CSMD1: variants seen among roughly 807,000 people sequenced by gnomAD.
CSMD1 encodes CUB and sushi domain-containing protein 1.
Under a neutral mutation model 417.5 loss-of-function variants are expected in CSMD1, and 213 were observed. The observed-to-expected ratio is 0.51, with a 90% confidence interval of 0.46 to 0.57. The LOEUF (loss-of-function observed/expected upper bound fraction) is 0.57. CSMD1 is among the 20% of genes least tolerant of loss of function. The probability of loss-of-function intolerance (pLI) is 0.00; values close to 1 mark genes in which losing one functional copy is unlikely to be tolerated. For synonymous variants in CSMD1, 2,862 were observed against 1,736.8 expected (o/e 1.65, Z -16.11); for missense variants, 6,923 against 4,529.7 (o/e 1.53, Z -15.17).
At chr8:3,296,865 T>A (rs759051617) in intron 25 of CSMD1, among the ~76,000 whole-genome samples, 1 of 152,164 alleles carries the variant, frequency 6.6e-6, no homozygotes, top group Admixed American at 6.5e-5. Context: ...TGAGTTTAAG[T>A]TGTCAACTAG....
Position 4,989,619 on chromosome 8 carries a change from A to T in CSMD1, c.85+4713T>A, listed in dbSNP as rs1182074874. On this transcript the variant is annotated intron_variant, in intron 1 of 69. Coordinates refer to ENST00000635120, the MANE Select transcript of CSMD1 (RefSeq NM_033225.6). ...TGAGCTCAACCAGAAGACATACAAA[A>T]GGCCAAAGGGAAAAGGTAGCTTAAA... Among the ~76,000 whole-genome samples, 5 of 152,238 alleles carry T rather than the reference A, an allele frequency of 3.3e-5. No homozygotes were observed. In the East Asian group the frequency reaches 7.7e-4, roughly 23 times the overall value.
At chr8:3,021,457 A>T (rs1466102080) in intron 51 of CSMD1, among the ~76,000 whole-genome samples, 1 of 152,220 alleles carries the variant, frequency 6.6e-6, no homozygotes, top group Non-Finnish European at 1.5e-5. Flanking sequence ...ACCGAAGGGA[A>T]AGCCTTATTT....
chr8:4,296,619 G>GT (rs11398748), intron 3 of CSMD1, among the ~76,000 whole-genome samples: 143,504 of 150,894 alleles, frequency 0.95, 68,635 homozygotes, highest in East Asian at 1. Flanking sequence ...ATAATAGTTT[G>GT]TTATTTAGTT....
intron 3 of CSMD1, among the ~76,000 whole-genome samples, chr8:4,306,572 C>T (rs974519126): frequency 1.3e-5 from 2 of 152,114 alleles, no homozygotes; most frequent in African/African-American, 4.8e-5. Context: ...CAGCTCCCTG[C>T]CCATGGTGTA....
chr8:4,575,362 G>T (rs549077839), intron 2 of CSMD1, among the ~76,000 whole-genome samples: 95 of 152,292 alleles, frequency 6.2e-4, no homozygotes, highest in African/African-American at 2.2e-3. Flanking sequence ...TATTAAAGTT[G>T]CGGGATGAAA....
chr8:4,483,720 G>A (rs940379274), intron 2 of CSMD1, among the ~76,000 whole-genome samples: 2 of 152,044 alleles, frequency 1.3e-5, no homozygotes, highest in Admixed American at 6.6e-5. Flanking sequence ...AAAAAGAAAG[G>A]TTCAAACAGT....
chr8:4,305,328 G>A (rs1280435428), intron 3 of CSMD1, among the ~76,000 whole-genome samples: 3 of 152,122 alleles, frequency 2.0e-5, no homozygotes, highest in African/African-American at 7.2e-5. Flanking sequence ...ACAAAGCCAG[G>A]CAGCAAGAGA....
At chr8:3,368,394 T>G (rs907069133) in intron 19 of CSMD1, among the ~76,000 whole-genome samples, 2 of 152,174 alleles carry the variant, frequency 1.3e-5, no homozygotes, top group Non-Finnish European at 2.9e-5. Context: ...TGGAGTACAG[T>G]GGCGCAATCT....
chr8:3,188,075 TAC>T (rs931945588), intron 35 of CSMD1, 110 bp from the exon 36 acceptor site: 1 of 393,302 alleles, frequency 2.5e-6, no homozygotes, highest in East Asian at 4.8e-5. Flanking sequence ...TATATATATA[TAC>T]ATATGTATAT....
At chr8:4,057,706 C>G (rs891213831) in intron 3 of CSMD1, among the ~76,000 whole-genome samples, 1 of 151,714 alleles carries the variant, frequency 6.6e-6, no homozygotes, top group African/African-American at 2.4e-5. Flanking sequence ...GAATTGATTT[C>G]TGTACAAGGT....
intron 2 of CSMD1, among the ~76,000 whole-genome samples, chr8:4,535,184 A>G (rs1423662744): frequency 6.6e-6 from 1 of 152,248 alleles, no homozygotes; most frequent in Non-Finnish European, 1.5e-5. Flanking sequence ...TATATAAGGT[A>G]TATAAAGAAC....
chr8:4,631,066 T>C (rs1168572714), intron 2 of CSMD1, among the ~76,000 whole-genome samples: 4 of 152,120 alleles, frequency 2.6e-5, no homozygotes, highest in Admixed American at 6.6e-5. Context: ...CTAGCCAAGC[T>C]AAAAATAAAA....
intron 25 of CSMD1, among the ~76,000 whole-genome samples, chr8:3,304,979 G>T (rs1804712666): frequency 6.6e-6 from 1 of 152,114 alleles, no homozygotes; most frequent in African/African-American, 2.4e-5. Flanking sequence ...AAAGCCATTG[G>T]AAGTGGTTTT....
At chr8:4,554,598 C>G (rs908703130) in intron 2 of CSMD1, among the ~76,000 whole-genome samples, 8 of 152,192 alleles carry the variant, frequency 5.3e-5, no homozygotes, top group Admixed American at 1.3e-4. Flanking sequence ...AAATATCATA[C>G]ACCGTTCTCA....
chr8:3,661,470 G>C (rs1173800188), intron 7 of CSMD1, among the ~76,000 whole-genome samples: 1 of 151,786 alleles, frequency 6.6e-6, no homozygotes, highest in Non-Finnish European at 1.5e-5. Flanking sequence ...TGCCTGACTT[G>C]CGAAATGTTC....
chr8:3,260,819 C>G (rs141588437), intron 26 of CSMD1, among the ~76,000 whole-genome samples: 29 of 152,172 alleles, frequency 1.9e-4, no homozygotes, highest in East Asian at 9.6e-4. Flanking sequence ...AACAGAAAAG[C>G]TTTTGCTCTA....
Position 4,239,377 on chromosome 8 carries a change from T to C in CSMD1, c.415+180576A>G, listed in dbSNP as rs1414370360. ...AACTGCCAATGAAGCTGTTTTCTCA[T>C]TTGGCCATGGTTGGGATCTATCTAA... On this transcript the variant is annotated intron_variant, in intron 3 of 69. Coordinates refer to ENST00000635120, the MANE Select transcript of CSMD1 (RefSeq NM_033225.6). 2.0e-5 allele frequency among the ~76,000 whole-genome samples: 3 copies of C among 152,182 alleles called. No homozygotes were observed. The East Asian group carries it at 5.8e-4, about 29-fold the overall frequency.
chr8:4,772,931 C>A (rs539212397), intron 1 of CSMD1, among the ~76,000 whole-genome samples: 1 of 152,208 alleles, frequency 6.6e-6, no homozygotes, highest in African/African-American at 2.4e-5. Flanking sequence ...AATACTTCAT[C>A]CCTGCAACAT....
chr8:3,185,083 A>T (rs1203291152), intron 36 of CSMD1, among the ~76,000 whole-genome samples: 1 of 152,136 alleles, frequency 6.6e-6, no homozygotes, highest in African/African-American at 2.4e-5. Flanking sequence ...AACTGAAGGG[A>T]CCATGGACCC....
Sources: allele counts gnomAD v4.1 joint callset (sites outside exome capture counted in the v4.1 genomes callset), GRCh38; gene constraint gnomAD v4.1.1; transcripts MANE v1.5; gene names NCBI Gene and HGNC (gene_info 2026-07-23, HGNC 2026-07-21).